Variants in RRBP1 observed in about 807,000 individuals in gnomAD.
RRBP1 encodes ribosome binding protein 1.
RRBP1 carries 94 observed loss-of-function variants against 165.2 expected under a neutral mutation model. The ratio of observed to expected loss-of-function variants is 0.57; its 90% confidence interval spans 0.48 to 0.68. RRBP1 has a LOEUF of 0.68. Among genes scored for constraint, RRBP1 ranks in the 30% least tolerant of loss-of-function variants. RRBP1 has a pLI of 0.00. For missense variants in RRBP1, 1,676 were observed against 1,763.0 expected (o/e 0.95, Z 0.88); for synonymous variants, 680 against 714.5 (o/e 0.95, Z 0.77).
chr20:17,658,808 C>A lies in RRBP1; in HGVS notation c.1700G>T (p.Gly567Val). 6.2e-7 allele frequency: 1 copy of A among 1,613,962 alleles called. No homozygotes were observed. Among genetic ancestry groups the A allele is most frequent in the South Asian group, 1.1e-5 (1 of 91,086 alleles). ...GTKVEGITNQ[G>V]KKAEGSPSEG... ...ACTGGGGGACCCTTCTGCTTTTTTC[C>A]CCTGGTTTGTAATACCCTCTACCTT... Residue 567 changes from glycine to valine, a missense_variant, in exon 3 of 25, where the codon GGG becomes GTG. By Grantham distance (109) the Gly-to-Val change is moderately radical (BLOSUM62 -3). This residue lies in a region of RRBP1 where 1,184 missense variants were observed against 1,167.1 expected (regional missense o/e 1.01). Transcript: ENST00000377813.
In RRBP1 at chr20:17,633,450, C is replaced by T; in HGVS notation, c.2610+10G>A. The T allele has an allele frequency of 2.5e-6, 4 of 1,611,608 alleles. No homozygotes were observed. Among genetic ancestry groups the T allele is most frequent in the African/African-American group, 1.3e-5 (1 of 75,068 alleles). On this transcript the variant is annotated intron_variant, in intron 8 of 24. Transcript: ENST00000377813. Reference sequence around the variant, plus strand: ...AACAGGGCACTGAGGCGGCCACTGCCCCGACTCACCTGCAGCTGCAGGACC... The same window carrying T: ...AACAGGGCACTGAGGCGGCCACTGCTCCGACTCACCTGCAGCTGCAGGACC...
chr20:17,646,481 A>C (rs1234897135), intron 3 of RRBP1, among the ~76,000 whole-genome samples: 3 of 152,188 alleles, frequency 2.0e-5, no homozygotes, highest in Admixed American at 6.5e-5. Flanking sequence ...TTGTCCTTGG[A>C]CAAGTGGCTT....
intron 3 of RRBP1, among the ~76,000 whole-genome samples, chr20:17,655,420 T>C (rs1405314410): frequency 6.6e-6 from 1 of 152,264 alleles, no homozygotes; most frequent in Non-Finnish European, 1.5e-5. Context: ...TTATCACTCA[T>C]TTAATGTCTC....
chr20:17,674,890 G>A (rs1185352793), intron 2 of RRBP1, among the ~76,000 whole-genome samples: 6 of 152,164 alleles, frequency 3.9e-5, no homozygotes, highest in South Asian at 2.1e-4. Context: ...TGAGTGTGTC[G>A]TCACTGAAAT....
chr20:17,619,644 C>A lies in RRBP1; in HGVS notation c.3664G>T (p.Glu1222Ter). 6.2e-7 allele frequency: 1 copy of A among 1,611,978 alleles called. No homozygotes were observed. Among genetic ancestry groups the A allele is most frequent in the Non-Finnish European group, 8.5e-7 (1 of 1,179,302 alleles). Reference protein sequence around the residue: ...ASAECQNYAKEVAGLRQLLLE... With the variant: ...ASAECQNYAK ...GGGGGCAGACTCACCCCTGCCACCTCCTTGGCGTAGTTCTGGCACTCGGCG... is the reference window on the plus strand; with the variant it reads ...GGGGGCAGACTCACCCCTGCCACCTACTTGGCGTAGTTCTGGCACTCGGCG... The change falls in exon 19 of 25, where the codon GAG becomes TAG. Residue 1222 changes from glutamate to a stop codon, truncating the protein, a stop_gained. Transcript: ENST00000377813. LOFTEE classifies it high-confidence loss of function.
chr20:17,614,959 C>T (rs567203598), intron 23 of RRBP1, 79 bp from the exon 24 acceptor site: 19 of 1,510,630 alleles, frequency 1.3e-5, no homozygotes, highest in Middle Eastern at 1.7e-4. Flanking sequence ...AGGACCCTGA[C>T]GCCAGGGGCT....
rs750132064 is a variant in RRBP1, at chr20:17,643,139, G to C, written c.1913-12C>G. 3.1e-6 allele frequency: 5 copies of C among 1,612,790 alleles called. No homozygotes were observed. The highest frequency in any genetic ancestry group is 2.2e-5 in the South Asian group (2 of 91,042). On this transcript the variant is annotated splice_polypyrimidine_tract_variant and intron_variant, in intron 3 of 24. Coordinates refer to ENST00000377813, the MANE Select transcript of RRBP1 (RefSeq NM_001365613.2). This position sits in a 1 kb window ranked among gnomAD's most constrained non-coding sequence, Gnocchi z 4.3. Reference sequence around the variant, plus strand: ...GGCATCTGGGGGCCCTGTGCAGCAAGAGGGAAAGAGCTGAGACTTAGGCCC... The same window carrying C: ...GGCATCTGGGGGCCCTGTGCAGCAACAGGGAAAGAGCTGAGACTTAGGCCC...
At chr20:17,641,748 T>A (rs776958293) in intron 5 of RRBP1, 49 bp downstream of exon 5, 1 of 1,605,504 alleles carries the variant, frequency 6.2e-7, no homozygotes. Context: ...GCGGGGGTCC[T>A]CTGAGGACGG....
chr20:17,624,284 T>A lies in RRBP1; in HGVS notation c.3147+292A>T, dbSNP rs1349077367. Among the ~76,000 whole-genome samples, 3 of 152,246 alleles carry A rather than the reference T, an allele frequency of 2.0e-5. No individual in the cohort carries two copies. In the East Asian group the frequency reaches 5.8e-4, roughly 29 times the overall value. ...CCAAGGCCACTCTGTGCGCACTTAGTGCACTGTGTGCGTCCTAGTGCACCT... is the reference window on the plus strand; with the variant it reads ...CCAAGGCCACTCTGTGCGCACTTAGAGCACTGTGTGCGTCCTAGTGCACCT... On this transcript the variant is annotated intron_variant, in intron 13 of 24. Coordinates refer to ENST00000377813, the MANE Select transcript of RRBP1 (RefSeq NM_001365613.2).
chr20:17,620,928 C>T (rs1274891819), intron 16 of RRBP1, 121 bp from the exon 17 acceptor site: 10 of 712,090 alleles, frequency 1.4e-5, no homozygotes, highest in Middle Eastern at 2.4e-4. Context: ...ACTTCATGAG[C>T]GCCAGCGTTA....
chr20:17,660,304 C>T lies in RRBP1; in HGVS notation c.204G>A (p.Lys68=). 1 of 1,608,660 alleles carries T rather than the reference C, an allele frequency of 6.2e-7. No individual in the cohort carries two copies. Among genetic ancestry groups the T allele is most frequent in the Non-Finnish European group, 8.5e-7 (1 of 1,176,926 alleles). ...EKKKKEKTVE[K]KGKTKKKEEK... ...CTTCCTTTTTCTTGGTCTTTCCTTT[C>T]TTCTCCACTGTTTTCTCCTTCTTTT... is the stretch of plus-strand genomic sequence containing the variant. The change falls in exon 3 of 25, where the codon AAG becomes AAA. Residue 68 remains lysine (K), a synonymous_variant. Transcript: ENST00000377813.
In RRBP1 at chr20:17,621,954, G is replaced by A. The variant is rs757368681; in HGVS notation, c.3148-7C>T. The A allele has an allele frequency of 2.5e-6, 4 of 1,601,264 alleles. No individual in the cohort carries two copies. The Admixed American group carries it at 6.7e-5, about 27-fold the overall frequency. Reference sequence around the variant, plus strand: ...GCTGCTTCTCCGATTCCTCCTGGGGGGTGGGTGGGGAAGAGCGGAAGGTGT... The same window carrying A: ...GCTGCTTCTCCGATTCCTCCTGGGGAGTGGGTGGGGAAGAGCGGAAGGTGT... On this transcript the variant is annotated splice_region_variant and splice_polypyrimidine_tract_variant and intron_variant, in intron 13 of 24. Transcript: ENST00000377813.
chr20:17,666,409 A>G (rs2036868409), intron 2 of RRBP1, among the ~76,000 whole-genome samples: 1 of 152,172 alleles, frequency 6.6e-6, no homozygotes, highest in South Asian at 2.1e-4. Flanking sequence ...TAAAAGTCTT[A>G]CACGTTGTTT....
intron 5 of RRBP1, 55 bp downstream of exon 5, chr20:17,641,742 G>C (rs202006042): frequency 2.5e-6 from 4 of 1,599,944 alleles, no homozygotes; most frequent in South Asian, 2.2e-5. Context: ...GATGGGGCGG[G>C]GGTCCTCTGA....
intron 2 of RRBP1, among the ~76,000 whole-genome samples, chr20:17,676,151 G>C (rs1158901961): frequency 6.6e-6 from 1 of 152,244 alleles, no homozygotes. Flanking sequence ...TGTAACTGCA[G>C]TGAGCAGTGA....
intron 11 of RRBP1, among the ~76,000 whole-genome samples, chr20:17,627,030 C>G (rs1790815633): frequency 1.3e-5 from 2 of 152,222 alleles, no homozygotes; most frequent in African/African-American, 4.8e-5. Context: ...ACACACAGAA[C>G]CTCTGACCAG....
In RRBP1 at chr20:17,676,317, G is replaced by A. The variant is rs6044946; in HGVS notation, c.-22+3682C>T. Among the ~76,000 whole-genome samples the A allele has an allele frequency of 3.0e-3, 463 of 152,318 alleles. 2 individuals are homozygous for A. Among genetic ancestry groups the A allele is most frequent in the African/African-American group, 0.011 (445 of 41,558 alleles). ...AGGTAGAGCTGATGGGACCTGCTGC[G>A]TACAGGGTACAGGTATGAGACGGCG... On this transcript the variant is annotated intron_variant, in intron 2 of 24. Coordinates refer to ENST00000377813, the MANE Select transcript of RRBP1 (RefSeq NM_001365613.2).
intron 24 of RRBP1, 25 bp downstream of exon 24, chr20:17,614,712 C>T (rs200397592): frequency 4.5e-5 from 72 of 1,608,470 alleles, no homozygotes; most frequent in Non-Finnish European, 5.9e-5. Context: ...ACTCCTCCCG[C>T]CCTGCTTTGG....
chr20:17,618,537 T>A (rs970529812), intron 20 of RRBP1, 59 bp downstream of exon 20: 2 of 1,278,976 alleles, frequency 1.6e-6, no homozygotes, highest in Non-Finnish European at 2.3e-6. Flanking sequence ...GGCAAATGCA[T>A]CTCACACACG....
Sources: allele counts gnomAD v4.1 joint callset (sites outside exome capture counted in the v4.1 genomes callset), GRCh38; gene constraint gnomAD v4.1.1; regional missense constraint gnomAD v4.1.1; non-coding constraint Gnocchi (gnomAD v3.1); transcripts MANE v1.5; gene names NCBI Gene and HGNC (gene_info 2026-07-23, HGNC 2026-07-21).